SCIN: variants seen among roughly 807,000 people sequenced by gnomAD.
The protein encoded by SCIN is scinderin.
SCIN carries 91 observed loss-of-function variants against 91.8 expected under a neutral mutation model. That is an observed-to-expected ratio of 0.99 (90% CI 0.84 to 1.18). SCIN has a LOEUF of 1.18. SCIN is among the 50% of genes most tolerant of loss of function. SCIN has a pLI of 0.00. For synonymous variants in SCIN, 367 were observed against 312.6 expected, an observed-to-expected ratio of 1.17 and a Z score of -1.84; for missense variants, 1,087 against 863.9, an observed-to-expected ratio of 1.26 and a Z score of -3.24.
intron 8 of SCIN, among the ~76,000 whole-genome samples, chr7:12,628,324 A>G (rs186001158): frequency 2.1e-3 from 316 of 152,286 alleles, no homozygotes; most frequent in Middle Eastern, 6.8e-3. Context: ...CAAAAGTACC[A>G]TAGATTGGGG....
chr7:12,640,424 T>A lies in SCIN; in HGVS notation c.1488T>A (p.Asn496Lys), dbSNP rs1363168005. Reference sequence around the variant, plus strand: ...ACAAACCGCTCATTATTTACAAGAATGGAACATCAAAGAAAGGAGGTCAGG... The same window carrying A: ...ACAAACCGCTCATTATTTACAAGAAAGGAACATCAAAGAAAGGAGGTCAGG... ...FKDKPLIIYKNGTSKKGGQAP... is the reference protein window; with the variant it reads ...FKDKPLIIYKKGTSKKGGQAP... Residue 496 changes from asparagine to lysine, a missense_variant, in exon 11 of 16, where the codon AAT becomes AAA. Transcript: ENST00000297029. 6.2e-7 allele frequency: 1 copy of A among 1,613,418 alleles called. No homozygotes were observed. Among genetic ancestry groups the A allele is most frequent in the Non-Finnish European group, 8.5e-7 (1 of 1,179,696 alleles).
At chr7:12,625,941 G>A (rs1216265104) in intron 7 of SCIN, 91 bp downstream of exon 7, 1 of 798,108 alleles carries the variant, frequency 1.3e-6, no homozygotes, top group African/African-American at 1.7e-5. Context: ...TTGGGTCAAA[G>A]TAACGTCTGT....
At chr7:12,571,908 C>G (rs1782279294) in intron 1 of SCIN, among the ~76,000 whole-genome samples, 1 of 152,154 alleles carries the variant, frequency 6.6e-6, no homozygotes, top group Non-Finnish European at 1.5e-5. Context: ...CCAGTGGGCA[C>G]ACCCTGTCTA....
chr7:12,659,353 A>C lies in SCIN; in HGVS notation c.*6638A>C, dbSNP rs1409141109. ...GTAAACAATAGACAGGTAAATACAG[A>C]CTTGGCTGTATTTGAACAGCACCTT... is the stretch of plus-strand genomic sequence containing the variant. On this transcript the variant is annotated 3_prime_UTR_variant, in exon 16 of 16. Transcript: ENST00000297029. 6.6e-6 allele frequency: 1 copy of C among 152,214 alleles called. No individual in the cohort carries two copies. The highest frequency in any genetic ancestry group is 1.5e-5 in the Non-Finnish European group (1 of 68,040). 9.4% of individuals were successfully genotyped at this position (152,214 alleles called of 1,614,324 possible).
intron 5 of SCIN, among the ~76,000 whole-genome samples, chr7:12,623,248 GAATGT>G (rs1323043231): frequency 6.6e-6 from 1 of 152,038 alleles, no homozygotes; most frequent in Non-Finnish European, 1.5e-5. Context: ...TTCTTGATAA[GAATGT>G]AAAGTCTTCA....
intron 4 of SCIN, among the ~76,000 whole-genome samples, chr7:12,605,344 C>A (rs1055775002): frequency 1.3e-5 from 2 of 151,874 alleles, no homozygotes; most frequent in Non-Finnish European, 2.9e-5. Flanking sequence ...CCACCCTGCC[C>A]GGCCTTCTCA....
chr7:12,592,606 G>C (rs75466697), intron 3 of SCIN, among the ~76,000 whole-genome samples: 1 of 152,004 alleles, frequency 6.6e-6, no homozygotes, highest in Non-Finnish European at 1.5e-5. Context: ...GGGGACTCTG[G>C]TTGAAGGGGG....
intron 5 of SCIN, 88 bp from the exon 6 acceptor site, chr7:12,624,922 C>G: frequency 1.6e-6 from 2 of 1,283,486 alleles, no homozygotes; most frequent in Non-Finnish European, 2.1e-6. Flanking sequence ...TGACATTTAC[C>G]GAGTTGTACA....
intron 9 of SCIN, among the ~76,000 whole-genome samples, chr7:12,633,217 C>A (rs1205720781): frequency 3.3e-5 from 5 of 151,094 alleles, no homozygotes; most frequent in African/African-American, 4.9e-5. Flanking sequence ...GCTGAAATGA[C>A]AGGACAAAAA....
chr7:12,625,914 GA>G (rs749581466), intron 7 of SCIN, 64 bp downstream of exon 7: 28 of 1,184,582 alleles, frequency 2.4e-5, no homozygotes, highest in Non-Finnish European at 3.4e-5. Context: ...ACATCTCCAC[GA>G]AACTCATGAA....
At chr7:12,571,501 C>T (rs769992834) in intron 1 of SCIN, 3 of 399,988 alleles carry the variant, frequency 7.5e-6, no homozygotes, top group South Asian at 5.6e-5. Context: ...GGCTTATTTT[C>T]TCTATGATTG....
At chr7:12,628,711 G>GAA (rs1343055916) in intron 8 of SCIN, among the ~76,000 whole-genome samples, 3 of 150,476 alleles carry the variant, frequency 2.0e-5, no homozygotes, top group Non-Finnish European at 3.0e-5. Context: ...AAAGCACAGG[G>GAA]AAAAAAATAT....
rs567170294 is a variant in SCIN at position 12,652,939 on chromosome 7, C to T, written c.*224C>T. On this transcript the variant is annotated 3_prime_UTR_variant, in exon 16 of 16. Transcript: ENST00000297029. ...CCAACATGGCGAAACCTCGCCTCTA[C>T]TAAAAATACAAAAAAATTAGCTGCG... The T allele has an allele frequency of 4.7e-6, 2 of 426,666 alleles. No homozygotes were observed. Among genetic ancestry groups the T allele is most frequent in the South Asian group, 2.6e-5 (1 of 38,458 alleles). 26.4% of individuals were successfully genotyped at this position (426,666 alleles called of 1,614,324 possible).
At position 12,654,557 on chromosome 7, in the gene SCIN, C is replaced by G. The variant is rs112022955; in HGVS notation, c.*1842C>G. 3 of 152,148 alleles carry G rather than the reference C, an allele frequency of 2.0e-5. No homozygotes were observed. Among genetic ancestry groups the G allele is most frequent in the African/African-American group, 7.2e-5 (3 of 41,512 alleles). The allele number at this position is 152,148 out of a possible 1,614,324, so 9.4% of individuals were successfully genotyped here. ...AATTTTTAAAAATATTTATAAATAT[C>G]TTCTGGGTCAAGCTGAATATTTTTT... On this transcript the variant is annotated 3_prime_UTR_variant, in exon 16 of 16. Transcript: ENST00000297029.
rs199909885 is a variant in SCIN, at chr7:12,640,500, A to C, written c.1564A>C (p.Ile522Leu). ...TCAAGTCCGGAGAAACCTGGCATCT[A>C]TCACCAGAATTGTGGAGGTAATGTC... is the stretch of plus-strand genomic sequence containing the variant. ...LFQVRRNLAS[I>L]TRIVEVDVDA... Residue 522 changes from isoleucine to leucine, a missense_variant, in exon 11 of 16, where the codon ATC becomes CTC. Physicochemically the swap from Ile to Leu is conservative, Grantham distance 5. Coordinates refer to ENST00000297029, the MANE Select transcript of SCIN (RefSeq NM_001112706.3). The C allele has an allele frequency of 1.9e-6, 3 of 1,611,192 alleles. No individual in the cohort carries two copies. Among genetic ancestry groups the C allele is most frequent in the Non-Finnish European group, 2.5e-6 (3 of 1,178,716 alleles).
At chr7:12,593,835 G>A (rs1044751207) in intron 3 of SCIN, among the ~76,000 whole-genome samples, 2 of 151,354 alleles carry the variant, frequency 1.3e-5, no homozygotes, top group African/African-American at 4.9e-5. Flanking sequence ...TGCTGATGAA[G>A]GTCATCGGCA....
At chr7:12,634,925 C>A (rs1310653367) in intron 9 of SCIN, among the ~76,000 whole-genome samples, 1 of 152,012 alleles carries the variant, frequency 6.6e-6, no homozygotes, top group East Asian at 1.9e-4. Flanking sequence ...AGTGCCTCAC[C>A]CCTTTAATCC....
In SCIN at chr7:12,655,968, TCAAA is replaced by T. The variant is rs1337585330; in HGVS notation, c.*3256_*3259del. Reference sequence around the variant, plus strand: ...TTCAAGAAATTCATACTCAACTCAGTCAAACAGAGGTCCTGCATTTACCTCTTGG... The same window carrying T: ...TTCAAGAAATTCATACTCAACTCAGTCAGAGGTCCTGCATTTACCTCTTGG... On this transcript the variant is annotated 3_prime_UTR_variant, in exon 16 of 16. Coordinates refer to ENST00000297029, the MANE Select transcript of SCIN (RefSeq NM_001112706.3). The T allele has an allele frequency of 2.6e-5, 4 of 152,180 alleles. No homozygotes were observed. Among genetic ancestry groups the T allele is most frequent in the Non-Finnish European group, 4.4e-5 (3 of 68,030 alleles). 9.4% of individuals were successfully genotyped at this position (152,180 alleles called of 1,614,324 possible).
chr7:12,646,258 T>C (rs976653746), intron 13 of SCIN, among the ~76,000 whole-genome samples: 1 of 152,228 alleles, frequency 6.6e-6, no homozygotes, highest in African/African-American at 2.4e-5. Flanking sequence ...CACAAACATT[T>C]ATTTTTCATG....
Sources: allele counts gnomAD v4.1 joint callset (sites outside exome capture counted in the v4.1 genomes callset), GRCh38; gene constraint gnomAD v4.1.1; transcripts MANE v1.5; gene names NCBI Gene and HGNC (gene_info 2026-07-23, HGNC 2026-07-21).